The following CPE variants were observed in gnomAD, a reference collection of about 807,000 sequenced individuals.
CPE encodes the protein carbocypeptidase E.
A neutral mutation model predicts 53.5 loss-of-function variants in CPE; 17 were observed. The ratio of observed to expected loss-of-function variants is 0.32; its 90% confidence interval spans 0.22 to 0.48. The LOEUF is 0.48. Among genes scored for constraint, CPE ranks in the 20% least tolerant of loss-of-function variants. CPE has a pLI of 0.99. For synonymous variants in CPE, 226 were observed against 228.8 expected, an observed-to-expected ratio of 0.99 and a Z score of 0.11; for missense variants, 524 against 614.7, an observed-to-expected ratio of 0.85 and a Z score of 1.56.
chr4:165,465,806 AT>A (rs1184031104), intron 2 of CPE, among the ~76,000 whole-genome samples: 4 of 152,176 alleles, frequency 2.6e-5, no homozygotes, highest in Non-Finnish European at 5.9e-5. Flanking sequence ...TGTTAAATTC[AT>A]TTTAAGCTTC....
intron 1 of CPE, chr4:165,404,076 A>T: frequency 1.0e-6 from 1 of 972,958 alleles, no homozygotes; most frequent in Non-Finnish European, 1.7e-6. Flanking sequence ...CACTGATGAA[A>T]CTTCTTGTTA....
intron 3 of CPE, among the ~76,000 whole-genome samples, chr4:165,479,027 G>A (rs552761174): frequency 6.6e-6 from 1 of 152,110 alleles, no homozygotes; most frequent in African/African-American, 2.4e-5. Flanking sequence ...GTCAATATCT[G>A]CCATTGGGTT....
At chr4:165,427,266 A>G (rs763694553) in intron 1 of CPE, among the ~76,000 whole-genome samples, 1 of 151,468 alleles carries the variant, frequency 6.6e-6, no homozygotes, top group South Asian at 2.1e-4. Flanking sequence ...TCAACTGAGA[A>G]CCCATCCTAA....
chr4:165,411,723 A>G (rs1240064623), intron 1 of CPE, among the ~76,000 whole-genome samples: 1 of 152,180 alleles, frequency 6.6e-6, no homozygotes, highest in African/African-American at 2.4e-5. Flanking sequence ...GGTTTATCTG[A>G]TCAAGTGATT....
chr4:165,402,040 T>C (rs1336310155), intron 1 of CPE, among the ~76,000 whole-genome samples: 2 of 152,212 alleles, frequency 1.3e-5, no homozygotes, highest in Non-Finnish European at 2.9e-5. Context: ...GATTATTTTA[T>C]TTTTTATATC....
chr4:165,475,355 A>G (rs192060483), intron 3 of CPE, among the ~76,000 whole-genome samples: 15 of 152,348 alleles, frequency 9.8e-5, no homozygotes, highest in Admixed American at 9.8e-4. Context: ...TATCCTGGCA[A>G]TGCGCCACCA....
chr4:165,382,436 A>G (rs1730518183), intron 1 of CPE, among the ~76,000 whole-genome samples: 2 of 152,306 alleles, frequency 1.3e-5, no homozygotes, highest in South Asian at 4.1e-4. Context: ...TTAGGAAATA[A>G]TATTGAACTT....
At chr4:165,405,703 A>C in intron 1 of CPE, 1 of 817,676 alleles carries the variant, frequency 1.2e-6, no homozygotes, top group Non-Finnish European at 2.2e-6. Context: ...CAGAGATTCC[A>C]CCAATTGGTC....
At chr4:165,497,393 A>G (rs963394508) in intron 8 of CPE, 119 bp from the exon 9 acceptor site, 11 of 455,604 alleles carry the variant, frequency 2.4e-5, no homozygotes, top group Non-Finnish European at 3.7e-5. Context: ...TTATTTCAGG[A>G]TTTACTTTAA....
At position 165,432,352 on chromosome 4, in the gene CPE, G is replaced by A. The variant is rs967054410; in HGVS notation, c.308-32038G>A. Among the ~76,000 whole-genome samples, 3 of 152,126 alleles carry A rather than the reference G, an allele frequency of 2.0e-5. No homozygotes were observed. The South Asian group carries it at 6.2e-4, about 31-fold the overall frequency. ...GCTCTGTTGCCCAGGCTGGAGTGCA[G>A]TGGCACAATCTCAGCTCACCGTAGC... On this transcript the variant is annotated intron_variant, in intron 1 of 8. Coordinates refer to ENST00000402744, the MANE Select transcript of CPE (RefSeq NM_001873.4).
intron 6 of CPE, among the ~76,000 whole-genome samples, chr4:165,492,250 A>C (rs891615008): frequency 5.3e-5 from 8 of 152,254 alleles, no homozygotes; most frequent in Non-Finnish European, 7.3e-5. Flanking sequence ...ATTTTCAGCC[A>C]AAATAATGTT....
chr4:165,450,673 A>G (rs1316542938), intron 1 of CPE, among the ~76,000 whole-genome samples: 2 of 152,250 alleles, frequency 1.3e-5, no homozygotes, highest in Non-Finnish European at 2.9e-5. Context: ...GTTCTGGAGT[A>G]TCATAGGATT....
At position 165,497,505 on chromosome 4, in the gene CPE, C is replaced by G; in HGVS notation, c.1333-7C>G. ...GATAATAATATGTTCTTGATTTTCTCTTTTAGGTTGATTTTGAACTGGAGT... is the reference window on the plus strand; with the variant it reads ...GATAATAATATGTTCTTGATTTTCTGTTTTAGGTTGATTTTGAACTGGAGT... On this transcript the variant is annotated splice_polypyrimidine_tract_variant and splice_region_variant and intron_variant, in intron 8 of 8. Transcript: ENST00000402744. 1 of 1,501,476 alleles carries G rather than the reference C, an allele frequency of 6.7e-7. No individual in the cohort carries two copies. The highest frequency in any genetic ancestry group is 8.9e-7 in the Non-Finnish European group (1 of 1,119,794). 93.0% of individuals were successfully genotyped at this position (1,501,476 alleles called of 1,614,324 possible). A position where few individuals can be genotyped will look rare whatever the true frequency, so the allele number is the denominator to read the frequency against.
At chr4:165,399,637 G>C (rs1219353122) in intron 1 of CPE, among the ~76,000 whole-genome samples, 3 of 152,172 alleles carry the variant, frequency 2.0e-5, no homozygotes, top group Admixed American at 6.5e-5. Context: ...CTCCCAAAGT[G>C]CTGGGATTAC....
intron 3 of CPE, among the ~76,000 whole-genome samples, chr4:165,477,091 A>G (rs1732317504): frequency 6.6e-6 from 1 of 152,234 alleles, no homozygotes; most frequent in Admixed American, 6.5e-5. Flanking sequence ...CACCTATCAT[A>G]GAAGAATGGT....
intron 1 of CPE, among the ~76,000 whole-genome samples, chr4:165,431,304 A>T (rs562891802): frequency 1.3e-5 from 2 of 152,062 alleles, no homozygotes; most frequent in Admixed American, 1.3e-4. Context: ...GCTTTCTCCC[A>T]CTCCAGCTAT....
chr4:165,486,666 G>A (rs73860794), intron 5 of CPE, among the ~76,000 whole-genome samples: 2,294 of 152,222 alleles, frequency 0.015, 62 homozygotes, highest in African/African-American at 0.051. Flanking sequence ...CTTTACAGGT[G>A]CAGGCACCCC....
At chr4:165,489,630 T>C (rs73860797) in intron 6 of CPE, among the ~76,000 whole-genome samples, 6,307 of 152,308 alleles carry the variant, frequency 0.041, 397 homozygotes, top group African/African-American at 0.14. Context: ...AGATCATCAC[T>C]GTGATCAACA....
intron 1 of CPE, among the ~76,000 whole-genome samples, chr4:165,447,578 A>C (rs9968549): frequency 0.18 from 28,017 of 151,476 alleles, 2,842 homozygotes; most frequent in African/African-American, 0.28. Context: ...CTTTAAAAAA[A>C]AAAAAAGAAA....
Sources: gnomAD v4.1 joint callset for allele counts (sites outside exome capture counted in the v4.1 genomes callset) on GRCh38, gnomAD v4.1.1 for gene constraint, MANE v1.5 for transcripts, NCBI Gene and HGNC (gene_info 2026-07-23, HGNC 2026-07-21) for gene names.